ZNF469: variants seen among roughly 807,000 people sequenced by gnomAD.
The protein encoded by ZNF469 is zinc finger protein 469.
ZNF469 carries 1 observed loss-of-function variant against 1.0 expected under a neutral mutation model. The observed-to-expected ratio is 1.00, with a 90% confidence interval of 0.35 to 4.73. The LOEUF (loss-of-function observed/expected upper bound fraction) is 4.73. Among genes scored for constraint, ZNF469 ranks in the 30% most tolerant of loss-of-function variants. The probability of loss-of-function intolerance (pLI) is 0.16; values close to 1 mark genes in which losing one functional copy is unlikely to be tolerated. For synonymous variants in ZNF469, 2,703 were observed against 2,363.4 expected, an observed-to-expected ratio of 1.14 and a Z score of -4.17; for missense variants, 6,100 against 5,356.3, an observed-to-expected ratio of 1.14 and a Z score of -4.33.
chr16:88,270,179 C>G, the ZNF469 span, among the ~76,000 whole-genome samples: 1 of 152,188 alleles, frequency 6.6e-6, no homozygotes, highest in African/African-American at 2.4e-5. Flanking sequence ...TGACCCCAAG[C>G]CCATGTGGGT....
the ZNF469 span, among the ~76,000 whole-genome samples, chr16:88,269,881 G>A: frequency 6.6e-6 from 1 of 152,192 alleles, no homozygotes; most frequent in Admixed American, 6.5e-5. Context: ...AGATGCTCCA[G>A]GTGCACCCAG....
chr16:88,140,932 C>G, the ZNF469 span, among the ~76,000 whole-genome samples: 100 of 151,938 alleles, frequency 6.6e-4, 1 homozygote, highest in African/African-American at 2.4e-3. Flanking sequence ...GACTCTGTCT[C>G]AAAAAAACAA....
the ZNF469 span, among the ~76,000 whole-genome samples, chr16:88,267,793 G>T: frequency 5.3e-4 from 81 of 151,894 alleles, 1 homozygote; most frequent in African/African-American, 1.9e-3. Context: ...TTTGCAGGTC[G>T]GGCTGTTTGG....
the ZNF469 span, among the ~76,000 whole-genome samples, chr16:88,252,869 A>C: frequency 0.035 from 5,391 of 152,282 alleles, 328 homozygotes; most frequent in African/African-American, 0.12. Context: ...CAGTTCCACC[A>C]ACATCTCCCA....
the ZNF469 span, among the ~76,000 whole-genome samples, chr16:88,222,150 A>G: frequency 6.6e-6 from 1 of 152,200 alleles, no homozygotes; most frequent in Non-Finnish European, 1.5e-5. Context: ...ATGCAGTTTC[A>G]GAATGTGAAT....
chr16:88,371,994 C>G, the ZNF469 span, among the ~76,000 whole-genome samples: 15 of 146,442 alleles, frequency 1.0e-4, no homozygotes, highest in African/African-American at 3.8e-4. Context: ...CCATCACCAT[C>G]ACCATCATCA....
the ZNF469 span, among the ~76,000 whole-genome samples, chr16:88,322,837 G>T: frequency 6.6e-6 from 1 of 152,192 alleles, no homozygotes; most frequent in South Asian, 2.1e-4. Flanking sequence ...GGACTTGGGG[G>T]CCAGGTTCAA....
chr16:88,247,011 A>ATCAATGAGTGAGTGAATGAG, the ZNF469 span, among the ~76,000 whole-genome samples: 1 of 150,540 alleles, frequency 6.6e-6, no homozygotes, highest in Non-Finnish European at 1.5e-5. Flanking sequence ...GAATGAGTGA[A>ATCAATGAGTGAGTGAATGAG]TCAATGAGTG....
chr16:88,437,241 G>T lies in ZNF469; in HGVS notation c.9771G>T (p.Gly3257=), dbSNP rs964458464. ...CCGGGAGCCCGGGAGACCCGTGGGG[G>T]CAAGAGGGAGAAGCCAAGAAAGACA... ...KAAGSPGDPW[G]QEGEAKKDSP... is the part of the protein sequence containing the mutation. Residue 3257 remains glycine (G), a synonymous_variant, in exon 3 of 3, where the codon GGG becomes GGT. Transcript: ENST00000565624. The T allele has an allele frequency of 4.5e-6, 7 of 1,549,016 alleles. No homozygotes were observed. Among genetic ancestry groups the T allele is most frequent in the Non-Finnish European group, 6.1e-6 (7 of 1,146,340 alleles).
chr16:88,237,181 C>G, the ZNF469 span, among the ~76,000 whole-genome samples: 55 of 67,940 alleles, frequency 8.1e-4, 1 homozygote, highest in Middle Eastern at 0.01. Flanking sequence ...GCTCCTGCCA[C>G]TCACCCTCCC....
At chr16:88,208,850 A>T in the ZNF469 span, among the ~76,000 whole-genome samples, 1 of 147,900 alleles carries the variant, frequency 6.8e-6, no homozygotes, top group East Asian at 2.0e-4. Context: ...TACATGAGCC[A>T]CGAGCTCCCA....
chr16:88,319,507 C>G, the ZNF469 span, among the ~76,000 whole-genome samples: 2 of 152,150 alleles, frequency 1.3e-5, no homozygotes, highest in African/African-American at 4.8e-5. Flanking sequence ...CCTGCTGATG[C>G]GCCCGGGTCC....
the ZNF469 span, among the ~76,000 whole-genome samples, chr16:88,214,683 G>A: frequency 6.6e-6 from 1 of 152,028 alleles, no homozygotes; most frequent in African/African-American, 2.4e-5. Flanking sequence ...GCCCCGGTGT[G>A]TGATGTTCCC....
chr16:88,235,591 G>A, the ZNF469 span, among the ~76,000 whole-genome samples: 73 of 152,328 alleles, frequency 4.8e-4, no homozygotes, highest in African/African-American at 1.7e-3. Flanking sequence ...CCCAAAAGAG[G>A]CTCCTTCCTT....
the ZNF469 span, among the ~76,000 whole-genome samples, chr16:88,121,846 C>G: frequency 1.3e-5 from 2 of 152,350 alleles, no homozygotes; most frequent in South Asian, 4.1e-4. Flanking sequence ...TCAAAATACG[C>G]TTCTTTTTTA....
At chr16:88,371,705 C>T in the ZNF469 span, among the ~76,000 whole-genome samples, 1 of 152,102 alleles carries the variant, frequency 6.6e-6, no homozygotes, top group Non-Finnish European at 1.5e-5. Context: ...GCAAACCTAG[C>T]CAGCCACCAA....
At chr16:88,414,194 G>A (rs1330356489) in intron 1 of ZNF469, among the ~76,000 whole-genome samples, 1 of 152,190 alleles carries the variant, frequency 6.6e-6, no homozygotes, top group Non-Finnish European at 1.5e-5. Flanking sequence ...CCAACCTTGG[G>A]AGCCCAAAGC....
the ZNF469 span, among the ~76,000 whole-genome samples, chr16:88,275,203 G>C: frequency 3.9e-5 from 6 of 152,168 alleles, no homozygotes; most frequent in Non-Finnish European, 7.3e-5. Context: ...TTTATGTCTC[G>C]CTGACAGTCC....
chr16:88,419,327 C>T (rs893190559), intron 1 of ZNF469, among the ~76,000 whole-genome samples: 2 of 152,160 alleles, frequency 1.3e-5, no homozygotes, highest in African/African-American at 2.4e-5. Flanking sequence ...CAGACTGGAC[C>T]GAGCTGGTCC....
Sources: allele counts gnomAD v4.1 joint callset (sites outside exome capture counted in the v4.1 genomes callset), GRCh38; gene constraint gnomAD v4.1.1; transcripts MANE v1.5; gene names NCBI Gene and HGNC (gene_info 2026-07-23, HGNC 2026-07-21).